The following CD5 variants were observed in gnomAD, a reference collection of about 807,000 sequenced individuals.
CD5 encodes the protein CD5 molecule.
A neutral mutation model predicts 60.3 loss-of-function variants in CD5; 36 were observed. The observed-to-expected ratio is 0.60, with a 90% CI of 0.46 to 0.79. CD5 has a LOEUF of 0.79. Among genes scored for constraint, CD5 ranks in the 30% least tolerant of loss-of-function variants. The pLI is 0.00. For missense variants in CD5, 540 were observed against 630.6 expected (o/e 0.86, Z 1.54); for synonymous variants, 230 against 257.6 (o/e 0.89, Z 1.03).
chr11:61,111,615 G>A (rs543816608), intron 1 of CD5, among the ~76,000 whole-genome samples: 8 of 152,220 alleles, frequency 5.3e-5, no homozygotes, highest in South Asian at 2.1e-4. Flanking sequence ...TTAATACCCC[G>A]ACAAACCCAT....
rs1209690506 is a variant in CD5 at position 61,118,981 on chromosome 11, AGAG to A, written c.463+7_463+9del. 1 of 1,611,836 alleles carries A rather than the reference AGAG, an allele frequency of 6.2e-7. No homozygotes were observed. Among genetic ancestry groups the A allele is most frequent in the East Asian group, 2.2e-5 (1 of 44,848 alleles). On this transcript the variant is annotated splice_donor_5th_base_variant and intron_variant, in intron 4 of 10. Transcript: ENST00000347785. This position sits in a 1 kb window ranked among gnomAD's most constrained non-coding sequence, Gnocchi z 4.7. Reference sequence around the variant, plus strand: ...ACCACAACTCCAGAGCCCACAGGTAAGAGGATTCTGAACCCCCCACAGGGAGTC... The same window carrying A: ...ACCACAACTCCAGAGCCCACAGGTAAGATTCTGAACCCCCCACAGGGAGTC...
chr11:61,096,231 G>A, the CD5 span, among the ~76,000 whole-genome samples: 61,144 of 152,096 alleles, frequency 0.4, 13,710 homozygotes, highest in East Asian at 0.92. Context: ...GCATTGGAAA[G>A]ATAAGTGTCC....
intron 7 of CD5, 59 bp from the exon 8 acceptor site, chr11:61,123,825 C>G (rs1861105453): frequency 4.3e-6 from 3 of 701,960 alleles, no homozygotes; most frequent in Admixed American, 5.0e-5. Flanking sequence ...CCACCCCTGC[C>G]TGCCCCCACC....
the CD5 span, among the ~76,000 whole-genome samples, chr11:61,096,547 G>T: frequency 7.2e-5 from 11 of 152,186 alleles, no homozygotes; most frequent in African/African-American, 2.7e-4. Flanking sequence ...TCGGTGGGGG[G>T]ACATGAGATA....
upstream of CD5, among the ~76,000 whole-genome samples, chr11:61,098,263 T>C (rs1404004974): frequency 6.6e-6 from 1 of 152,214 alleles, no homozygotes; most frequent in Non-Finnish European, 1.5e-5. Context: ...ATCGCTACCT[T>C]AGTTCACCAA....
At position 61,124,163 on chromosome 11, in the gene CD5, T is replaced by G. The variant is rs544139822; in HGVS notation, c.1279+226T>G. On this transcript the variant is annotated intron_variant, in intron 8 of 10. Coordinates refer to ENST00000347785, the MANE Select transcript of CD5 (RefSeq NM_014207.4). Reference sequence around the variant, plus strand: ...CTGAGCGGTTTCTACCGCTGAAGCCTCAGAGTGTAGAAACATCTCATGGTA... The same window carrying G: ...CTGAGCGGTTTCTACCGCTGAAGCCGCAGAGTGTAGAAACATCTCATGGTA... Among the ~76,000 whole-genome samples, 121 of 152,200 alleles carry G rather than the reference T, an allele frequency of 8.0e-4. 1 individual carries two copies. The highest frequency in any genetic ancestry group is 2.7e-3 in the African/African-American group (113 of 41,546).
At chr11:61,109,730 G>A (rs1036674586) in intron 1 of CD5, among the ~76,000 whole-genome samples, 11 of 152,080 alleles carry the variant, frequency 7.2e-5, no homozygotes, top group Non-Finnish European at 1.3e-4. Flanking sequence ...GACAAGAGAC[G>A]GGAGCTCCAG....
intron 1 of CD5, among the ~76,000 whole-genome samples, chr11:61,106,358 C>T (rs1193428477): frequency 6.6e-6 from 1 of 152,036 alleles, no homozygotes; most frequent in South Asian, 2.1e-4. Context: ...GGAAGAGGGT[C>T]CCAGGCAGAG....
At chr11:61,116,699 CCA>C (rs371585024) in intron 2 of CD5, among the ~76,000 whole-genome samples, 2 of 56,412 alleles carry the variant, frequency 3.5e-5, no homozygotes, top group Admixed American at 2.4e-4. Context: ...CACATACACA[CCA>C]CACACACCAC....
At chr11:61,123,479 G>C (rs150940617) in intron 7 of CD5, among the ~76,000 whole-genome samples, 1 of 152,154 alleles carries the variant, frequency 6.6e-6, no homozygotes, top group Non-Finnish European at 1.5e-5. Context: ...TTGTGAACGC[G>C]GGGGGTTGTT....
At chr11:61,101,223 AT>A (rs1860678167), upstream of CD5, among the ~76,000 whole-genome samples, 2 of 109,706 alleles carry the variant, frequency 1.8e-5, no homozygotes, top group African/African-American at 3.1e-5. Context: ...TCACACACAC[AT>A]CAACATGGAG....
In CD5 at chr11:61,118,038, G is replaced by A. The variant is rs564063644; in HGVS notation, c.95-137G>A. ...GCCCCTGCAGTGCCCCAGAAGGGAC[G>A]AAGCTCACAAGGGGCAAGGCAGGCA... On this transcript the variant is annotated intron_variant, in intron 2 of 10. Coordinates refer to ENST00000347785, the MANE Select transcript of CD5 (RefSeq NM_014207.4). The surrounding 1 kb of genome is among the most constrained non-coding windows in gnomAD (Gnocchi z 4.7). 1.5e-5 allele frequency: 13 copies of A among 881,418 alleles called. No homozygotes were observed. The Admixed American group carries it at 1.5e-4, about 10-fold the overall frequency. 54.6% of individuals were successfully genotyped at this position (881,418 alleles called of 1,614,324 possible). A position where few individuals can be genotyped will look rare whatever the true frequency, so the allele number is the denominator to read the frequency against.
chr11:61,110,197 A>G (rs1372967598), intron 1 of CD5, among the ~76,000 whole-genome samples: 1 of 152,126 alleles, frequency 6.6e-6, no homozygotes, highest in Non-Finnish European at 1.5e-5. Context: ...TCCCTAGATT[A>G]TAAGTGAAAA....
chr11:61,095,570 A>G, the CD5 span, among the ~76,000 whole-genome samples: 1 of 152,176 alleles, frequency 6.6e-6, no homozygotes, highest in Non-Finnish European at 1.5e-5. Context: ...TCCAGGCGGC[A>G]ACTAAGTGGC....
chr11:61,113,695 A>T (rs112379525), intron 1 of CD5, among the ~76,000 whole-genome samples: 1 of 151,686 alleles, frequency 6.6e-6, no homozygotes, highest in African/African-American at 2.4e-5. Flanking sequence ...TAAAGACAGA[A>T]TCTCACTCTC....
At chr11:61,125,981 A>C (rs1218164696) in intron 10 of CD5, 140 bp downstream of exon 10, 3 of 483,540 alleles carry the variant, frequency 6.2e-6, no homozygotes, top group Non-Finnish European at 1.1e-5. Context: ...GATTCTTGTA[A>C]AGGGAAAGAC....
At chr11:61,114,780 G>A (rs1017635439) in intron 1 of CD5, among the ~76,000 whole-genome samples, 6 of 152,078 alleles carry the variant, frequency 3.9e-5, no homozygotes, top group Admixed American at 6.5e-5. Flanking sequence ...TGACATTCAC[G>A]GAATCATGCA....
Position 61,126,932 on chromosome 11 carries a change from T to C in CD5, c.*647T>C, listed in dbSNP as rs1456740184. On this transcript the variant is annotated 3_prime_UTR_variant, in exon 11 of 11. Coordinates refer to ENST00000347785, the MANE Select transcript of CD5 (RefSeq NM_014207.4). ...GCGTCACCCCACTCCCTCTGTCTTA[T>C]GACTCCCCTCCCCAACCCCCTCATC... is the stretch of plus-strand genomic sequence containing the variant. 1 of 152,298 alleles carries C rather than the reference T, an allele frequency of 6.6e-6. No individual in the cohort carries two copies. 9.4% of individuals were successfully genotyped at this position (152,298 alleles called of 1,614,324 possible). A position where few individuals can be genotyped will look rare whatever the true frequency, so the allele number is the denominator to read the frequency against.
chr11:61,093,990 A>C, the CD5 span, among the ~76,000 whole-genome samples: 12 of 152,032 alleles, frequency 7.9e-5, no homozygotes, highest in African/African-American at 2.7e-4. Context: ...CCGGCTGAAT[A>C]AACCCCTTCC....
Sources: allele counts gnomAD v4.1 joint callset (sites outside exome capture counted in the v4.1 genomes callset), GRCh38; gene constraint gnomAD v4.1.1; non-coding constraint Gnocchi (gnomAD v3.1); transcripts MANE v1.5; gene names NCBI Gene and HGNC (gene_info 2026-07-23, HGNC 2026-07-21).